Variants in STAMBP observed in about 807,000 individuals in gnomAD.
STAMBP encodes the protein STAM-binding protein.
Under a neutral mutation model 50.7 loss-of-function variants are expected in STAMBP, and 31 were observed. The observed-to-expected ratio is 0.61, with a 90% CI of 0.46 to 0.83. STAMBP has a LOEUF of 0.83. Among genes scored for constraint, STAMBP ranks in the 40% least tolerant of loss-of-function variants. STAMBP has a pLI of 0.00. For missense variants in STAMBP, 472 were observed against 518.9 expected, an observed-to-expected ratio of 0.91 and a Z score of 0.88; for synonymous variants, 211 against 192.4, an observed-to-expected ratio of 1.10 and a Z score of -0.80.
At chr2:73,831,204 C>T (rs1200137987) in intron 2 of STAMBP, 145 bp downstream of exon 2, 4 of 654,066 alleles carry the variant, frequency 6.1e-6, no homozygotes, top group Admixed American at 2.7e-5. Context: ...CTGTCCTTGC[C>T]GTTCAAAGAC....
intron 2 of STAMBP, among the ~76,000 whole-genome samples, chr2:73,836,981 C>A (rs2104309338): frequency 6.6e-6 from 1 of 152,302 alleles, no homozygotes; most frequent in African/African-American, 2.4e-5. Flanking sequence ...GGCTCTTAAT[C>A]TGGGGTCCAG....
Position 73,862,474 on chromosome 2 carries a change from C to A in STAMBP, c.*215C>A, listed in dbSNP as rs1049326987. 5.5e-6 allele frequency: 2 copies of A among 366,370 alleles called. No individual in the cohort carries two copies. The highest frequency in any genetic ancestry group is 9.9e-6 in the Non-Finnish European group (2 of 202,404). The allele number at this position is 366,370 out of a possible 1,614,324, so 22.7% of individuals were successfully genotyped here. A position where few individuals can be genotyped will look rare whatever the true frequency, so the allele number is the denominator to read the frequency against. ...GAAAGAGAACATGGTCACCCAAAAG[C>A]AACTGTAACTCAGAAATTAAGTTAC... On this transcript the variant is annotated 3_prime_UTR_variant, in exon 10 of 10. Coordinates refer to ENST00000394070, the MANE Select transcript of STAMBP (RefSeq NM_213622.4).
At chr2:73,867,520 G>A (rs889708271), downstream of STAMBP, among the ~76,000 whole-genome samples, 1 of 151,974 alleles carries the variant, frequency 6.6e-6, no homozygotes. Flanking sequence ...CTCCAGCCTG[G>A]GCAACGAGCG....
rs11886071 is a variant in STAMBP, at chr2:73,851,289, C to T, written c.1005+776C>T. Among the ~76,000 whole-genome samples, 817 of 152,300 alleles carry T rather than the reference C, an allele frequency of 5.4e-3. 6 individuals are homozygous for T. Among genetic ancestry groups the T allele is most frequent in the African/African-American group, 0.016 (661 of 41,554 alleles). On this transcript the variant is annotated intron_variant, in intron 7 of 9. Transcript: ENST00000394070. ...CTATTATTGTGTATCCCCATCCCAC[C>T]CCCATTGTAGTAGATGGGGGAGAGA...
At chr2:73,856,481 A>G (rs1049040451) in intron 7 of STAMBP, among the ~76,000 whole-genome samples, 2 of 152,260 alleles carry the variant, frequency 1.3e-5, no homozygotes, top group Non-Finnish European at 2.9e-5. Flanking sequence ...ATGGTCAGTT[A>G]GAAATTATGA....
intron 8 of STAMBP, among the ~76,000 whole-genome samples, chr2:73,859,725 T>TAAAAA (rs3043575): frequency 2.1e-4 from 32 of 149,758 alleles, no homozygotes; most frequent in African/African-American, 7.9e-4. Context: ...AATAAAAAAA[T>TAAAAA]AAAAATAAAA....
intron 2 of STAMBP, 33 bp downstream of exon 2, chr2:73,831,092 G>A: frequency 6.4e-7 from 1 of 1,567,828 alleles, no homozygotes; most frequent in Non-Finnish European, 8.8e-7. Flanking sequence ...TTTCCTTTCT[G>A]GTGACTGGTG....
chr2:73,834,854 G>T (rs1040631199), intron 2 of STAMBP, among the ~76,000 whole-genome samples: 1 of 152,130 alleles, frequency 6.6e-6, no homozygotes, highest in Non-Finnish European at 1.5e-5. Context: ...GCTTAGATGG[G>T]AAAGACCTTA....
At position 73,850,290 on chromosome 2, in the gene STAMBP, T is replaced by C; in HGVS notation, c.868-86T>C. 21 of 1,513,684 alleles carry C rather than the reference T, an allele frequency of 1.4e-5. No homozygotes were observed. The highest frequency in any genetic ancestry group is 1.7e-5 in the Non-Finnish European group (19 of 1,125,796). 93.8% of individuals were successfully genotyped at this position (1,513,684 alleles called of 1,614,324 possible). A position where few individuals can be genotyped will look rare whatever the true frequency, so the allele number is the denominator to read the frequency against. On this transcript the variant is annotated intron_variant, in intron 6 of 9. Coordinates refer to ENST00000394070, the MANE Select transcript of STAMBP (RefSeq NM_213622.4). The surrounding 1 kb of genome is among the most constrained non-coding windows in gnomAD (Gnocchi z 4.3). ...TGGGAAGGGCTTTCACTTGTATAGA[T>C]GCTTACCTTTCCACTGTCGGGATGG...
At chr2:73,849,629 C>T (rs1199654386) in intron 6 of STAMBP, 142 bp downstream of exon 6, 14 of 1,161,188 alleles carry the variant, frequency 1.2e-5, no homozygotes, top group South Asian at 1.7e-5. Flanking sequence ...TTTCATGTCA[C>T]TTTGAATTTG....
At chr2:73,868,274 C>T (rs916384274), downstream of STAMBP, among the ~76,000 whole-genome samples, 1 of 151,974 alleles carries the variant, frequency 6.6e-6, no homozygotes. Flanking sequence ...AAAAAATCAT[C>T]AATCTAGTAA....
At chr2:73,860,627 T>C (rs1678228161) in intron 9 of STAMBP, 1 of 898,310 alleles carries the variant, frequency 1.1e-6, no homozygotes. Context: ...GCTTAAATCA[T>C]AGGGGCTTTA....
chr2:73,833,545 T>C (rs1026015126), intron 2 of STAMBP, among the ~76,000 whole-genome samples: 3 of 152,162 alleles, frequency 2.0e-5, no homozygotes, highest in East Asian at 1.9e-4. Context: ...GTATTTCCTA[T>C]AAGCTTGTAG....
chr2:73,829,888 G>A (rs1196375228), intron 1 of STAMBP, among the ~76,000 whole-genome samples: 1 of 152,246 alleles, frequency 6.6e-6, no homozygotes, highest in Non-Finnish European at 1.5e-5. Flanking sequence ...AAAGATCTCT[G>A]TTGGGGAGGG....
rs1678722662 is a variant in STAMBP, at chr2:73,864,846, G to A, written c.*2587G>A. 1 of 152,266 alleles carries A rather than the reference G, an allele frequency of 6.6e-6. No homozygotes were observed. Among genetic ancestry groups the A allele is most frequent in the South Asian group, 2.1e-4 (1 of 4,832 alleles). The allele number at this position is 152,266 out of a possible 1,614,324, so 9.4% of individuals were successfully genotyped here. On this transcript the variant is annotated 3_prime_UTR_variant, in exon 10 of 10. Coordinates refer to ENST00000394070, the MANE Select transcript of STAMBP (RefSeq NM_213622.4). ...AAGTGCCATAGGCCAGGTGCAGAGA[G>A]AATCAGAGGAGCTGATTTGCTTGGG...
At chr2:73,859,985 G>A (rs145244650) in intron 8 of STAMBP, 67 bp from the exon 9 acceptor site, 3 of 1,091,996 alleles carry the variant, frequency 2.7e-6, no homozygotes, top group African/African-American at 3.1e-5. Context: ...GTGTGTGTGT[G>A]CGTGCATATG....
chr2:73,860,497 A>G (rs1678210257), intron 9 of STAMBP: 1 of 952,822 alleles, frequency 1.0e-6, no homozygotes, highest in South Asian at 4.8e-5. Context: ...GGCTTATTAA[A>G]TGTTACTTTT....
At chr2:73,859,717 TA>T (rs996556029) in intron 8 of STAMBP, among the ~76,000 whole-genome samples, 4 of 149,794 alleles carry the variant, frequency 2.7e-5, no homozygotes, top group Admixed American at 6.6e-5. Context: ...AAAAATATAA[TA>T]AAAAAATAAA....
intron 2 of STAMBP, among the ~76,000 whole-genome samples, chr2:73,839,197 A>T (rs1484115735): frequency 6.6e-6 from 1 of 152,190 alleles, no homozygotes; most frequent in Non-Finnish European, 1.5e-5. Flanking sequence ...TAATGATCTC[A>T]GGCATATTTC....
Sources: allele counts gnomAD v4.1 joint callset (sites outside exome capture counted in the v4.1 genomes callset), GRCh38; gene constraint gnomAD v4.1.1; non-coding constraint Gnocchi (gnomAD v3.1); transcripts MANE v1.5; gene names NCBI Gene and HGNC (gene_info 2026-07-23, HGNC 2026-07-21).